FBXO16: variants seen among roughly 807,000 people sequenced by gnomAD.
FBXO16 encodes F-box only protein 16.
Under a neutral mutation model 41.0 loss-of-function variants are expected in FBXO16, and 31 were observed. That is an observed-to-expected ratio of 0.76 (90% CI 0.57 to 1.02). The LOEUF is 1.02. FBXO16 is among the 50% of genes least tolerant of loss of function. The pLI is 0.00. For synonymous variants in FBXO16, 133 were observed against 117.8 expected (o/e 1.13, Z -0.84); for missense variants, 361 against 346.2 (o/e 1.04, Z -0.34).
At chr8:28,455,967 G>GT (rs1245016178) in intron 5 of FBXO16, 1 of 151,904 alleles carries the variant, frequency 6.6e-6, no homozygotes, top group African/African-American at 2.4e-5. Flanking sequence ...ATTCATTGCT[G>GT]TTTTTTTCAC....
intron 1 of FBXO16, among the ~76,000 whole-genome samples, chr8:28,488,216 G>C (rs1428150554): frequency 6.6e-6 from 1 of 150,644 alleles, no homozygotes; most frequent in Admixed American, 6.6e-5. Context: ...CCTAGTTCTT[G>C]ACATATGGTT....
intron 2 of FBXO16, among the ~76,000 whole-genome samples, chr8:28,482,571 CTTA>C (rs1009120189): frequency 6.6e-6 from 1 of 151,828 alleles, no homozygotes; most frequent in Non-Finnish European, 1.5e-5. Context: ...TGTTGTTGTT[CTTA>C]TTGTTGTTGT....
chr8:28,475,372 A>T (rs1442380060), intron 2 of FBXO16, among the ~76,000 whole-genome samples: 2 of 152,154 alleles, frequency 1.3e-5, no homozygotes, highest in Non-Finnish European at 2.9e-5. Flanking sequence ...CACTTTTTGC[A>T]CATAAGAGAA....
intron 6 of FBXO16, 44 bp downstream of exon 6, chr8:28,452,200 A>T (rs758109456): frequency 4.5e-6 from 7 of 1,548,908 alleles, no homozygotes; most frequent in Non-Finnish European, 6.2e-6. Flanking sequence ...CCAATAAATT[A>T]TTTCTAAAAA....
At chr8:28,445,068 C>T (rs568472574) in intron 7 of FBXO16, among the ~76,000 whole-genome samples, 1 of 152,004 alleles carries the variant, frequency 6.6e-6, no homozygotes, top group Non-Finnish European at 1.5e-5. Context: ...AGCTCATCAC[C>T]GGCATGAGTC....
At chr8:28,459,508 C>G (rs1021601634) in intron 4 of FBXO16, among the ~76,000 whole-genome samples, 1 of 151,642 alleles carries the variant, frequency 6.6e-6, no homozygotes, top group African/African-American at 2.4e-5. Flanking sequence ...ATCCCAGCTA[C>G]TCGGGAGGCT....
At chr8:28,434,094 G>A (rs931177202) in intron 7 of FBXO16, among the ~76,000 whole-genome samples, 25 of 151,948 alleles carry the variant, frequency 1.6e-4, no homozygotes, top group African/African-American at 5.8e-4. Context: ...CTGAGTAGCT[G>A]GGATTCCAGG....
rs1802935891 is a variant in FBXO16 at position 28,450,515 on chromosome 8, G to A, written c.740+1729C>T. Among the ~76,000 whole-genome samples the A allele has an allele frequency of 3.3e-5, 5 of 152,250 alleles. No homozygotes were observed. The South Asian group carries it at 1.0e-3, about 32-fold the overall frequency. ...TGCTATCAAGAGAGTGAATGTCTCG[G>A]GTGTCAGGTCTACTTGGGGAAATGA... On this transcript the variant is annotated intron_variant, in intron 6 of 8. Coordinates refer to ENST00000380254, the MANE Select transcript of FBXO16 (RefSeq NM_172366.4).
At chr8:28,456,532 G>A (rs1803041143) in intron 5 of FBXO16, 1 of 446,950 alleles carries the variant, frequency 2.2e-6, no homozygotes, top group Non-Finnish European at 4.0e-6. Flanking sequence ...AAGTTCCATG[G>A]TCCTAACCGC....
chr8:28,434,153 G>A (rs1199607813), intron 7 of FBXO16, among the ~76,000 whole-genome samples: 1 of 152,104 alleles, frequency 6.6e-6, no homozygotes, highest in Non-Finnish European at 1.5e-5. Context: ...TAGAGACGGG[G>A]TTTCACCACG....
chr8:28,475,446 C>T (rs1018092007), intron 2 of FBXO16, among the ~76,000 whole-genome samples: 8 of 152,158 alleles, frequency 5.3e-5, no homozygotes, highest in African/African-American at 1.9e-4. Flanking sequence ...CAAATAATGG[C>T]AACAGATAAA....
At chr8:28,452,127 T>G (rs938442597) in intron 6 of FBXO16, 117 bp downstream of exon 6, 1 of 971,494 alleles carries the variant, frequency 1.0e-6, no homozygotes, top group East Asian at 2.6e-5. Context: ...TTTGCTTCTA[T>G]GTACTGAAAA....
intron 8 of FBXO16, 82 bp from the exon 9 acceptor site, chr8:28,428,818 A>G: frequency 7.1e-7 from 1 of 1,410,356 alleles, no homozygotes; most frequent in Non-Finnish European, 9.3e-7. Context: ...TTTTAATGAC[A>G]TAAAACGATT....
intron 3 of FBXO16, among the ~76,000 whole-genome samples, chr8:28,471,209 T>G (rs56859979): frequency 0.039 from 5,946 of 152,290 alleles, 374 homozygotes; most frequent in African/African-American, 0.14. Flanking sequence ...TAGACAGGTA[T>G]GGCCAAATAT....
intron 7 of FBXO16, among the ~76,000 whole-genome samples, chr8:28,445,667 T>C (rs1802852465): frequency 6.6e-6 from 1 of 152,212 alleles, no homozygotes; most frequent in Non-Finnish European, 1.5e-5. Flanking sequence ...CACATGTCTA[T>C]GGTAAGCCTC....
intron 7 of FBXO16, among the ~76,000 whole-genome samples, chr8:28,445,749 TTC>T (rs1467048108): frequency 6.6e-6 from 1 of 152,064 alleles, no homozygotes; most frequent in Admixed American, 6.5e-5. Context: ...CTCTCTCTCT[TTC>T]TTTTTTCTTT....
rs1425163164 is a variant in FBXO16, at chr8:28,428,574, G to A, written c.*153C>T. 3 of 1,550,244 alleles carry A rather than the reference G, an allele frequency of 1.9e-6. No homozygotes were observed. Among genetic ancestry groups the A allele is most frequent in the Non-Finnish European group, 2.6e-6 (3 of 1,146,882 alleles). On this transcript the variant is annotated 3_prime_UTR_variant, in exon 9 of 9. Coordinates refer to ENST00000380254, the MANE Select transcript of FBXO16 (RefSeq NM_172366.4). Reference sequence around the variant, plus strand: ...GTCTTTCCATGTTCAGTCCACTTTGGCTCTGGAACCTGGATGAGTCATGCT... The same window carrying A: ...GTCTTTCCATGTTCAGTCCACTTTGACTCTGGAACCTGGATGAGTCATGCT...
At chr8:28,432,128 A>AGTGTGTGT (rs56917233) in intron 7 of FBXO16, among the ~76,000 whole-genome samples, 41 of 142,814 alleles carry the variant, frequency 2.9e-4, no homozygotes, top group African/African-American at 9.4e-4. Context: ...CTATGTATGG[A>AGTGTGTGT]GTGTGTGTGT....
chr8:28,458,544 C>CTTTTTTTTT lies in FBXO16; in HGVS notation c.343-1623_343-1615dup, dbSNP rs34617439. Among the ~76,000 whole-genome samples the CTTTTTTTTT allele has an allele frequency of 1.0e-3, 90 of 87,588 alleles. 1 individual carries two copies. Among genetic ancestry groups the CTTTTTTTTT allele is most frequent in the African/African-American group, 1.2e-3 (30 of 25,092 alleles). 57.5% of individuals were successfully genotyped at this position (87,588 alleles called of 152,430 possible). ...TTCCTTTTCTCCTCTTCTTCTTCTT[C>CTTTTTTTTT]TTTTTTTTTTTTTTTTTTTTTTTTT... On this transcript the variant is annotated intron_variant, in intron 4 of 8. Coordinates refer to ENST00000380254, the MANE Select transcript of FBXO16 (RefSeq NM_172366.4).
Sources: gnomAD v4.1 joint callset for allele counts (sites outside exome capture counted in the v4.1 genomes callset) on GRCh38, gnomAD v4.1.1 for gene constraint, MANE v1.5 for transcripts, NCBI Gene and HGNC (gene_info 2026-07-23, HGNC 2026-07-21) for gene names.